The following MASTL variants were observed in gnomAD, a reference collection of about 807,000 sequenced individuals.
MASTL encodes microtubule associated serine/threonine kinase like, also known as serine/threonine-protein kinase greatwall.
MASTL carries 54 observed loss-of-function variants against 82.5 expected under a neutral mutation model. The observed-to-expected ratio is 0.65, with a 90% CI of 0.53 to 0.82. MASTL has a LOEUF of 0.82. Ranked by LOEUF, MASTL falls within the 40% of genes least tolerant of loss-of-function variation. The probability of loss-of-function intolerance (pLI) is 0.00; values close to 1 mark genes in which losing one functional copy is unlikely to be tolerated. For missense variants in MASTL, 950 were observed against 1,047.8 expected, an observed-to-expected ratio of 0.91 and a Z score of 1.29; for synonymous variants, 323 against 368.9, an observed-to-expected ratio of 0.88 and a Z score of 1.43.
Position 27,187,646 on chromosome 10 carries a change from G to A in MASTL, c.*1110G>A, listed in dbSNP as rs2136308225. Among the ~76,000 whole-genome samples the A allele has an allele frequency of 6.6e-6, 1 of 151,992 alleles. No homozygotes were observed. The highest frequency in any genetic ancestry group is 2.4e-5 in the African/African-American group (1 of 41,486). ...GCACACCTGTAGTCCCAGCTACTTG[G>A]GAGGCTGAGGCATGAGAATCGCTTG... On this transcript the variant is annotated 3_prime_UTR_variant, in exon 12 of 12. Coordinates refer to ENST00000375940, the MANE Select transcript of MASTL (RefSeq NM_001172303.3).
At position 27,172,001 on chromosome 10, in the gene MASTL, G is replaced by C. The variant is rs542164277; in HGVS notation, c.2124+918G>C. Among the ~76,000 whole-genome samples, 8 of 151,560 alleles carry C rather than the reference G, an allele frequency of 5.3e-5. No individual in the cohort carries two copies. The South Asian group carries it at 1.7e-3, about 32-fold the overall frequency. The stretch of plus-strand genomic sequence containing the variant: ...GTGCCACCATGCCCAGCTAATTTTT[G>C]TATTTTTAGTAGAGATGGGGTTTCA... On this transcript the variant is annotated intron_variant, in intron 8 of 11. Transcript: ENST00000375940.
Position 27,159,770 on chromosome 10 carries a change from C to A in MASTL, c.464+12C>A. On this transcript the variant is annotated intron_variant, in intron 3 of 11. Coordinates refer to ENST00000375940, the MANE Select transcript of MASTL (RefSeq NM_001172303.3). The surrounding 1 kb of genome is among the most constrained non-coding windows in gnomAD (Gnocchi z 4.0). The stretch of plus-strand genomic sequence containing the variant: ...GGAATCATCCACAGGTAAAGACTGA[C>A]TTCTCCAAATTATTACTTAAAAATT... 6.2e-7 allele frequency: 1 copy of A among 1,607,006 alleles called. No individual in the cohort carries two copies. The highest frequency in any genetic ancestry group is 8.5e-7 in the Non-Finnish European group (1 of 1,174,294).
intron 9 of MASTL, among the ~76,000 whole-genome samples, chr10:27,178,256 T>C (rs2058164684): frequency 6.6e-6 from 1 of 151,728 alleles, no homozygotes; most frequent in Non-Finnish European, 1.5e-5. Context: ...ATTAGCTGGG[T>C]GTGGTGGCTT....
At chr10:27,166,068 G>A (rs954990312) in intron 6 of MASTL, among the ~76,000 whole-genome samples, 3 of 151,770 alleles carry the variant, frequency 2.0e-5, no homozygotes, top group Admixed American at 1.3e-4. Context: ...TTAGCTGGTC[G>A]TGGTGGTGGG....
rs1254265157 is a variant in MASTL, at chr10:27,172,377, T to C, written c.2125-741T>C. On this transcript the variant is annotated intron_variant, in intron 8 of 11. Transcript: ENST00000375940. ...CTGTCTTGCTGGTCTTACAAAGTTG[T>C]TGTGAATGCCAGGCGTGGTGGCTCA... Among the ~76,000 whole-genome samples the C allele has an allele frequency of 2.0e-5, 3 of 152,134 alleles. No homozygotes were observed. In the East Asian group the frequency reaches 5.8e-4, roughly 29 times the overall value.
intron 4 of MASTL, among the ~76,000 whole-genome samples, chr10:27,164,198 G>A (rs2057667092): frequency 6.6e-6 from 1 of 152,206 alleles, no homozygotes; most frequent in Admixed American, 6.5e-5. Context: ...AGGCTGGAGT[G>A]CAGTGATGTG....
At chr10:27,165,621 CT>C in intron 6 of MASTL, 82 bp downstream of exon 6, 1 of 1,485,538 alleles carries the variant, frequency 6.7e-7, no homozygotes, top group South Asian at 1.1e-5. Context: ...GGCAGGATTT[CT>C]TTCTTTTTGA....
intron 11 of MASTL, 102 bp from the exon 12 acceptor site, chr10:27,186,272 AGTAAG>A: frequency 1.8e-6 from 2 of 1,139,018 alleles, no homozygotes; most frequent in Non-Finnish European, 2.6e-6. Context: ...GACATAATAA[AGTAAG>A]GTAAGTTATA....
At position 27,155,612 on chromosome 10, in the gene MASTL, G is replaced by A; in HGVS notation, c.186G>A (p.Lys62=). The A allele has an allele frequency of 6.2e-7, 1 of 1,614,162 alleles. No homozygotes were observed. The highest frequency in any genetic ancestry group is 8.5e-7 in the Non-Finnish European group (1 of 1,179,994). ...AAGGCGGCAAATTGTATGCAGTAAA[G>A]GTAGGAAGTCAACGAGTAGCAAGGA... ...GQKGGKLYAV[K]VVKKADMINK... The change falls in exon 1 of 12, where the codon AAG becomes AAA. Residue 62 remains lysine (K), a splice_region_variant and synonymous_variant. Coordinates refer to ENST00000375940, the MANE Select transcript of MASTL (RefSeq NM_001172303.3).
At chr10:27,175,176 ATTAT>A (rs56359245) in intron 9 of MASTL, among the ~76,000 whole-genome samples, 12 of 148,750 alleles carry the variant, frequency 8.1e-5, no homozygotes, top group East Asian at 2.0e-4. Context: ...TCTTTTATTT[ATTAT>A]TTATTTATTT....
chr10:27,186,384 A>G lies in MASTL; in HGVS notation c.2488A>G (p.Lys830Glu), dbSNP rs1226306125. Residue 830 changes from lysine (K) to glutamate (E), a missense_variant, in exon 12 of 12, where the codon AAA becomes GAA. Coordinates refer to ENST00000375940, the MANE Select transcript of MASTL (RefSeq NM_001172303.3). ...DTKRAGMKELKRHPLFSDVDW... is the reference protein window; with the variant it reads ...DTKRAGMKELERHPLFSDVDW... ...TGTTTTATATTTTTCCTAAGAGCTA[A>G]AACGTCATCCTCTCTTCAGTGATGT... 1.2e-6 allele frequency: 2 copies of G among 1,614,148 alleles called. No individual in the cohort carries two copies. The highest frequency in any genetic ancestry group is 1.7e-5 in the Admixed American group (1 of 60,016).
Position 27,161,509 on chromosome 10 carries a change from A to T in MASTL, c.553+327A>T, listed in dbSNP as rs188226683. Among the ~76,000 whole-genome samples the T allele has an allele frequency of 1.3e-3, 180 of 143,114 alleles. 1 individual carries two copies. In the East Asian group the frequency reaches 0.017, roughly 14 times the overall value. The allele number at this position is 143,114 out of a possible 152,430, so 93.9% of individuals were successfully genotyped here. ...GGGAAACAAAGTGAAAATCTCTCTC[A>T]AAAAAAAAAAAGTCCAACTAAAAAT... On this transcript the variant is annotated intron_variant, in intron 4 of 11. Coordinates refer to ENST00000375940, the MANE Select transcript of MASTL (RefSeq NM_001172303.3).
At chr10:27,177,718 G>A (rs2058144634) in intron 9 of MASTL, 2 of 283,100 alleles carry the variant, frequency 7.1e-6, no homozygotes, top group Non-Finnish European at 1.1e-5. Context: ...CACAATACCT[G>A]GTGCCCAGTT....
intron 9 of MASTL, 111 bp from the exon 10 acceptor site, chr10:27,180,842 C>A: frequency 1.3e-6 from 1 of 767,702 alleles, no homozygotes; most frequent in Non-Finnish European, 2.3e-6. Context: ...TCCCCCTGGT[C>A]CTACCAGCCT....
chr10:27,157,954 G>A (rs944648980), intron 1 of MASTL, among the ~76,000 whole-genome samples: 9 of 151,980 alleles, frequency 5.9e-5, no homozygotes, highest in Admixed American at 2.6e-4. Context: ...TTTTGACTTC[G>A]TTATCAGAAC....
Position 27,165,478 on chromosome 10 carries a change from A to G in MASTL, c.750A>G (p.Val250=). The G allele has an allele frequency of 1.2e-6, 2 of 1,614,144 alleles. No individual in the cohort carries two copies. The highest frequency in any genetic ancestry group is 2.2e-5 in the South Asian group (2 of 91,084). Residue 250 remains valine, a synonymous_variant, in exon 6 of 12, where the codon GTA becomes GTG. Transcript: ENST00000375940. ...CATCACAGCTTTCTCAAGGACTCGT[A>G]TGCCCTATGTCTGTAGATCAAAAGG... ...SETSQLSQGL[V]CPMSVDQKDT...
chr10:27,171,821 G>GTTTATTTTTTTTTTTTTTTTTTTT (rs1176510939), intron 8 of MASTL, among the ~76,000 whole-genome samples: 1 of 71,214 alleles, frequency 1.4e-5, no homozygotes. Context: ...TGAAAAATAT[G>GTTTATTTTTTTTTTTTTTTTTTTT]TTTCTTTTTT....
At chr10:27,177,789 T>C in intron 9 of MASTL, 3 of 962,038 alleles carry the variant, frequency 3.1e-6, no homozygotes, top group Non-Finnish European at 3.7e-6. Flanking sequence ...ACTACTGTTT[T>C]CTTACATGCA....
At chr10:27,180,009 G>A (rs1415042354) in intron 9 of MASTL, among the ~76,000 whole-genome samples, 1 of 152,112 alleles carries the variant, frequency 6.6e-6, no homozygotes, top group Non-Finnish European at 1.5e-5. Context: ...TGTGGTAATT[G>A]GTAATCTAAA....
Sources: gnomAD v4.1 joint callset for allele counts (sites outside exome capture counted in the v4.1 genomes callset) on GRCh38, gnomAD v4.1.1 for gene constraint, Gnocchi (gnomAD v3.1) non-coding constraint, MANE v1.5 for transcripts, NCBI Gene and HGNC (gene_info 2026-07-23, HGNC 2026-07-21) for gene names.